SRPRA: variants seen among roughly 807,000 people sequenced by gnomAD.
SRPRA encodes signal recognition particle receptor subunit alpha.
In SRPRA, 30 loss-of-function variants were observed where a neutral mutation model predicts 61.1. The ratio of observed to expected loss-of-function variants is 0.49; its 90% confidence interval spans 0.37 to 0.67. SRPRA has a LOEUF of 0.67. Among genes scored for constraint, SRPRA ranks in the 30% least tolerant of loss-of-function variants. The pLI is 0.00. For missense variants in SRPRA, 759 were observed against 828.4 expected (o/e 0.92, Z 1.03); for synonymous variants, 324 against 299.7 (o/e 1.08, Z -0.84).
chr11:126,264,085 T>G lies in SRPRA; in HGVS notation c.1789-41A>C. 1 of 1,613,668 alleles carries G rather than the reference T, an allele frequency of 6.2e-7. No individual in the cohort carries two copies. The highest frequency in any genetic ancestry group is 8.5e-7 in the Non-Finnish European group (1 of 1,179,716). ...GGACAGCCCATCAACACAAGCCCAC[T>G]TTTCACTCACCCTCTCAGGAACAGG... is the stretch of plus-strand genomic sequence containing the variant. On this transcript the variant is annotated intron_variant, in intron 13 of 13. Transcript: ENST00000332118. This position sits in a 1 kb window ranked among gnomAD's most constrained non-coding sequence, Gnocchi z 5.0.
At chr11:126,244,512 A>G in the SRPRA span, among the ~76,000 whole-genome samples, 1 of 152,246 alleles carries the variant, frequency 6.6e-6, no homozygotes, top group East Asian at 1.9e-4. This position sits in a 1 kb window ranked among gnomAD's most constrained non-coding sequence, Gnocchi z 4.5. Context: ...TTAACGAAAG[A>G]AGTACAGAAG....
At chr11:126,262,921 C>G (rs967217279), downstream of SRPRA, 1 of 152,608 alleles carries the variant, frequency 6.6e-6, no homozygotes, top group African/African-American at 2.4e-5. Context: ...AAAAGAACTC[C>G]AAGACCTAAA....
At chr11:126,262,044 T>G, downstream of SRPRA, 1 of 1,447,024 alleles carries the variant, frequency 6.9e-7, no homozygotes, top group Non-Finnish European at 9.7e-7. Context: ...TAGGATTGAC[T>G]TAAGTATCTG....
At chr11:126,256,753 G>T in the SRPRA span, 2 of 1,614,134 alleles carry the variant, frequency 1.2e-6, no homozygotes, top group South Asian at 2.2e-5. This position sits in a 1 kb window ranked among gnomAD's most constrained non-coding sequence, Gnocchi z 6.6. Context: ...AAACATGCTG[G>T]ACAAGGGGAT....
chr11:126,265,656 G>C lies in SRPRA; in HGVS notation c.1138+81C>G. ...AGGTTTAGAGGTTAAGGAATTTGCC[G>C]AAAGTCACATACCTAGTAAGAACTG... On this transcript the variant is annotated intron_variant, in intron 9 of 13. Transcript: ENST00000332118. The surrounding 1 kb of genome is among the most constrained non-coding windows in gnomAD (Gnocchi z 6.3). The C allele has an allele frequency of 6.6e-7, 1 of 1,506,670 alleles. No homozygotes were observed. Among genetic ancestry groups the C allele is most frequent in the Non-Finnish European group, 9.2e-7 (1 of 1,090,316 alleles). The allele number at this position is 1,506,670 out of a possible 1,614,324, so 93.3% of individuals were successfully genotyped here. A position where few individuals can be genotyped will look rare whatever the true frequency, so the allele number is the denominator to read the frequency against.
the SRPRA span, chr11:126,254,209 A>G: frequency 4.2e-6 from 6 of 1,426,004 alleles, no homozygotes; most frequent in Non-Finnish European, 5.7e-6. Flanking sequence ...AGTTTATGTC[A>G]GAAGTCTAGT....
chr11:126,255,665 C>A, the SRPRA span, among the ~76,000 whole-genome samples: 6 of 152,148 alleles, frequency 3.9e-5, no homozygotes, highest in African/African-American at 1.4e-4. The surrounding 1 kb of genome is among the most constrained non-coding windows in gnomAD (Gnocchi z 4.6). Flanking sequence ...ACAATGACCT[C>A]TGGGCACATA....
At chr11:126,252,734 T>C in the SRPRA span, among the ~76,000 whole-genome samples, 2 of 151,674 alleles carry the variant, frequency 1.3e-5, no homozygotes, top group African/African-American at 4.8e-5. This position sits in a 1 kb window ranked among gnomAD's most constrained non-coding sequence, Gnocchi z 4.7. Context: ...CAGCATAAGA[T>C]CATGTCTCTA....
the SRPRA span, among the ~76,000 whole-genome samples, chr11:126,252,112 G>A: frequency 5.9e-5 from 9 of 151,850 alleles, no homozygotes; most frequent in Admixed American, 4.6e-4. The surrounding 1 kb of genome is among the most constrained non-coding windows in gnomAD (Gnocchi z 4.7). Context: ...TCAGCGTCCC[G>A]AATAGCTGGG....
chr11:126,238,255 G>A, the SRPRA span, among the ~76,000 whole-genome samples: 3 of 152,064 alleles, frequency 2.0e-5, no homozygotes, highest in Non-Finnish European at 2.9e-5. Flanking sequence ...CCAGCTACTC[G>A]GGAGGCTGAA....
rs1329024573 is a variant in SRPRA at position 126,267,938 on chromosome 11, A to C, written c.201+65T>G. ...TCATATACACTGGCTGCAATTAATC[A>C]GAGTTCTCTTAAAAATCAGGGCTAT... On this transcript the variant is annotated intron_variant, in intron 2 of 13. Transcript: ENST00000332118. The surrounding 1 kb of genome is among the most constrained non-coding windows in gnomAD (Gnocchi z 4.2). 1.3e-6 allele frequency: 2 copies of C among 1,540,766 alleles called. No homozygotes were observed. The highest frequency in any genetic ancestry group is 1.8e-6 in the Non-Finnish European group (2 of 1,114,604).
the SRPRA span, among the ~76,000 whole-genome samples, chr11:126,236,917 C>CTTTTTT: frequency 3.7e-4 from 25 of 68,398 alleles, no homozygotes; most frequent in East Asian, 0.011. Context: ...TTCACAGATG[C>CTTTTTT]TTTTTTTTTT....
At chr11:126,241,964 G>T in the SRPRA span, among the ~76,000 whole-genome samples, 1 of 147,954 alleles carries the variant, frequency 6.8e-6, no homozygotes, top group Non-Finnish European at 1.5e-5. Flanking sequence ...GGTGGAGGTT[G>T]CACTGAGTTG....
the SRPRA span, chr11:126,241,259 T>C: frequency 4.4e-6 from 2 of 451,364 alleles, no homozygotes; most frequent in African/African-American, 3.9e-5. Flanking sequence ...TGTGTGTCTA[T>C]GAGAGAGAAA....
chr11:126,264,334 C>T lies in SRPRA; in HGVS notation c.1689+42G>A, dbSNP rs2135236506. ...GAAGTGTAAGAACCATCTAAATTGA[C>T]CAAAGCTCAAGTTGTAAAGGGAACT... On this transcript the variant is annotated intron_variant, in intron 12 of 13. Transcript: ENST00000332118. The surrounding 1 kb of genome is among the most constrained non-coding windows in gnomAD (Gnocchi z 5.0). 1.2e-6 allele frequency: 2 copies of T among 1,613,428 alleles called. No homozygotes were observed. Among genetic ancestry groups the T allele is most frequent in the East Asian group, 4.5e-5 (2 of 44,864 alleles).
chr11:126,240,282 T>C, the SRPRA span, among the ~76,000 whole-genome samples: 1 of 152,076 alleles, frequency 6.6e-6, no homozygotes, highest in African/African-American at 2.4e-5. Context: ...TTTCTTTTTT[T>C]TTTTTGCCTG....
Position 126,263,668 on chromosome 11 carries a change from T to A in SRPRA, c.*248A>T, listed in dbSNP as rs763537279. 43 of 491,366 alleles carry A rather than the reference T, an allele frequency of 8.8e-5. No homozygotes were observed. The highest frequency in any genetic ancestry group is 8.0e-5 in the Non-Finnish European group (22 of 273,620). 30.4% of individuals were successfully genotyped at this position (491,366 alleles called of 1,614,324 possible). On this transcript the variant is annotated 3_prime_UTR_variant, in exon 14 of 14. Transcript: ENST00000332118. ...GAGTCTGTAGGCAGAGTGAAGGGGG[T>A]GCCTGAGTAGGAAGGGGGAGGCCCG...
At chr11:126,240,933 C>T in the SRPRA span, 2 of 1,613,988 alleles carry the variant, frequency 1.2e-6, no homozygotes, top group East Asian at 2.2e-5. Flanking sequence ...TGGATGCTGC[C>T]ATTGATTTTG....
chr11:126,240,934 A>T, the SRPRA span: 2 of 1,614,186 alleles, frequency 1.2e-6, no homozygotes, highest in Non-Finnish European at 8.5e-7. Flanking sequence ...GGATGCTGCC[A>T]TTGATTTTGA....
Sources: gnomAD v4.1 joint callset for allele counts (sites outside exome capture counted in the v4.1 genomes callset) on GRCh38, gnomAD v4.1.1 for gene constraint, Gnocchi (gnomAD v3.1) non-coding constraint, MANE v1.5 for transcripts, NCBI Gene and HGNC (gene_info 2026-07-23, HGNC 2026-07-21) for gene names.